The following RAB31 variants were observed in gnomAD, a reference collection of about 807,000 sequenced individuals.
The protein encoded by RAB31 is RAB31, member RAS oncogene family.
In RAB31, 21 loss-of-function variants were observed where a neutral mutation model predicts 25.6. The observed-to-expected ratio is 0.82, with a 90% confidence interval of 0.58 to 1.18. RAB31 has a LOEUF of 1.18. Ranked by LOEUF, RAB31 falls within the 50% of genes most tolerant of loss-of-function variation. The pLI is 0.00. For synonymous variants in RAB31, 87 were observed against 84.0 expected, an observed-to-expected ratio of 1.04 and a Z score of -0.20; for missense variants, 196 against 250.1, an observed-to-expected ratio of 0.78 and a Z score of 1.46.
chr18:9,792,382 T>C, intron 3 of RAB31, 147 bp downstream of exon 3: 1 of 1,397,110 alleles, frequency 7.2e-7, no homozygotes, highest in African/African-American at 1.4e-5. Flanking sequence ...AATGTACTCA[T>C]TAGCTATGTG....
chr18:9,814,011 C>G lies in RAB31; in HGVS notation c.202-9C>G. 1.3e-6 allele frequency: 2 copies of G among 1,563,806 alleles called. No individual in the cohort carries two copies. Among genetic ancestry groups the G allele is most frequent in the South Asian group, 2.3e-5 (2 of 86,520 alleles). On this transcript the variant is annotated splice_polypyrimidine_tract_variant and intron_variant, in intron 3 of 6. Transcript: ENST00000578921. ...CTTTGGCCTAAAACTGTTCATTGTT[C>G]TTAAACAGTTTCATTCATTGGCTCC...
At chr18:9,739,486 G>A (rs2068167143) in intron 1 of RAB31, among the ~76,000 whole-genome samples, 1 of 151,396 alleles carries the variant, frequency 6.6e-6, no homozygotes, top group Admixed American at 6.6e-5. Context: ...AAAAGAATTT[G>A]TAAGAATTCA....
intron 1 of RAB31, among the ~76,000 whole-genome samples, chr18:9,754,342 C>G (rs1174114018): frequency 6.6e-6 from 1 of 152,060 alleles, no homozygotes; most frequent in Non-Finnish European, 1.5e-5. Context: ...TGCAATGGCA[C>G]GATCTTGGCT....
chr18:9,729,526 C>CA (rs11431212), intron 1 of RAB31, among the ~76,000 whole-genome samples: 35,057 of 131,432 alleles, frequency 0.27, 5,027 homozygotes, highest in African/African-American at 0.43. Flanking sequence ...GACTCCGTCT[C>CA]AAAAAAAAAA....
intron 1 of RAB31, among the ~76,000 whole-genome samples, chr18:9,773,386 A>T (rs1363422983): frequency 6.6e-6 from 1 of 152,078 alleles, no homozygotes; most frequent in Non-Finnish European, 1.5e-5. Flanking sequence ...TGAATCAGCT[A>T]TTTTTTCATT....
chr18:9,851,235 ACTTT>A (rs2068788021), intron 6 of RAB31, among the ~76,000 whole-genome samples: 1 of 152,218 alleles, frequency 6.6e-6, no homozygotes, highest in South Asian at 2.1e-4. Context: ...AAGTGGACAG[ACTTT>A]CTTACACCAA....
intron 6 of RAB31, among the ~76,000 whole-genome samples, chr18:9,846,761 C>T (rs1286842065): frequency 1.3e-5 from 2 of 152,114 alleles, no homozygotes; most frequent in Non-Finnish European, 2.9e-5. Context: ...CTCCAAGAAC[C>T]CACAGGAGGG....
At chr18:9,829,242 G>A (rs1016920940) in intron 5 of RAB31, among the ~76,000 whole-genome samples, 5 of 152,022 alleles carry the variant, frequency 3.3e-5, no homozygotes, top group Middle Eastern at 3.4e-3. Context: ...ACTTGTTTTC[G>A]TTATGCTTTA....
At chr18:9,787,824 A>G (rs2068441377) in intron 2 of RAB31, 2 of 152,256 alleles carry the variant, frequency 1.3e-5, no homozygotes, top group African/African-American at 4.8e-5. Flanking sequence ...AGACATCGAA[A>G]TAAGCATTTT....
chr18:9,723,862 AC>A (rs2145460355), intron 1 of RAB31: 1 of 152,242 alleles, frequency 6.6e-6, no homozygotes, highest in Non-Finnish European at 1.5e-5. Flanking sequence ...CATCCCTATA[AC>A]CCAAACACCT....
chr18:9,719,880 A>G (rs1182741639), intron 1 of RAB31, among the ~76,000 whole-genome samples: 4 of 151,164 alleles, frequency 2.6e-5, no homozygotes, highest in Non-Finnish European at 5.9e-5. Flanking sequence ...AGTGTGCCAA[A>G]CTCCTTCCCG....
intron 1 of RAB31, among the ~76,000 whole-genome samples, chr18:9,767,830 A>G (rs1321672725): frequency 6.6e-6 from 1 of 152,146 alleles, no homozygotes; most frequent in East Asian, 1.9e-4. Flanking sequence ...TCAATCCGTC[A>G]TCTACATTAG....
intron 5 of RAB31, among the ~76,000 whole-genome samples, chr18:9,831,060 C>G (rs966622919): frequency 6.6e-6 from 1 of 152,202 alleles, no homozygotes; most frequent in Non-Finnish European, 1.5e-5. Context: ...CTTAAATCAA[C>G]ACTGCACTAA....
At chr18:9,721,790 G>A (rs1471227686) in intron 1 of RAB31, among the ~76,000 whole-genome samples, 1 of 152,118 alleles carries the variant, frequency 6.6e-6, no homozygotes, top group East Asian at 1.9e-4. Flanking sequence ...TCTAGTAGGG[G>A]TGACAGGCGG....
At chr18:9,829,029 G>T (rs2068664086) in intron 5 of RAB31, among the ~76,000 whole-genome samples, 1 of 152,136 alleles carries the variant, frequency 6.6e-6, no homozygotes, top group African/African-American at 2.4e-5. Context: ...AGACTGAGCT[G>T]CCCAGAGAGC....
chr18:9,813,350 T>C (rs183730829), intron 3 of RAB31, among the ~76,000 whole-genome samples: 200 of 152,318 alleles, frequency 1.3e-3, no homozygotes, highest in Middle Eastern at 3.4e-3. Flanking sequence ...GCCATACATC[T>C]TTCCTTTACT....
At chr18:9,709,878 G>A (rs1013186802) in intron 1 of RAB31, among the ~76,000 whole-genome samples, 1 of 152,148 alleles carries the variant, frequency 6.6e-6, no homozygotes, top group African/African-American at 2.4e-5. Flanking sequence ...CTTCCCTCTT[G>A]AGGGGCCATT....
At chr18:9,740,656 T>G (rs2068173528) in intron 1 of RAB31, among the ~76,000 whole-genome samples, 1 of 151,854 alleles carries the variant, frequency 6.6e-6, no homozygotes, top group Admixed American at 6.6e-5. Context: ...GAGGTTGCAG[T>G]GAGCCAAGAT....
At chr18:9,838,442 G>A (rs1317943719) in intron 5 of RAB31, among the ~76,000 whole-genome samples, 1 of 152,166 alleles carries the variant, frequency 6.6e-6, no homozygotes, top group Non-Finnish European at 1.5e-5. Flanking sequence ...GTAGGGAAAA[G>A]CATTCTTCTA....
Sources: gnomAD v4.1 joint callset for allele counts (sites outside exome capture counted in the v4.1 genomes callset) on GRCh38, gnomAD v4.1.1 for gene constraint, MANE v1.5 for transcripts, NCBI Gene and HGNC (gene_info 2026-07-23, HGNC 2026-07-21) for gene names.